Variants in KIF13A observed in about 807,000 individuals in gnomAD.
KIF13A encodes kinesin-like protein KIF13A.
Under a neutral mutation model 212.2 loss-of-function variants are expected in KIF13A, and 79 were observed. That is an observed-to-expected ratio of 0.37 (90% CI 0.31 to 0.45). The LOEUF is 0.45. KIF13A is among the 20% of genes least tolerant of loss of function. KIF13A has a pLI of 1.00. For missense variants in KIF13A, 1,901 were observed against 2,209.0 expected, an observed-to-expected ratio of 0.86 and a Z score of 2.79; for synonymous variants, 789 against 808.6, an observed-to-expected ratio of 0.98 and a Z score of 0.41.
At chr6:17,909,285 C>T (rs1773809589) in intron 2 of KIF13A, among the ~76,000 whole-genome samples, 1 of 152,206 alleles carries the variant, frequency 6.6e-6, no homozygotes, top group African/African-American at 2.4e-5. Flanking sequence ...CCTGTAATCC[C>T]AGCACCTTGG....
chr6:17,882,566 ATT>A (rs71536759), intron 3 of KIF13A, among the ~76,000 whole-genome samples: 21 of 144,196 alleles, frequency 1.5e-4, no homozygotes, highest in Admixed American at 1.4e-4. Flanking sequence ...TCCTTTATAA[ATT>A]TTTTTTTTTT....
At position 17,883,050 on chromosome 6, in the gene KIF13A, C is replaced by G. The variant is rs555765078; in HGVS notation, c.160-9613G>C. On this transcript the variant is annotated intron_variant, in intron 3 of 38. Coordinates refer to ENST00000259711, the MANE Select transcript of KIF13A (RefSeq NM_022113.6). This position sits in a 1 kb window ranked among gnomAD's most constrained non-coding sequence, Gnocchi z 4.8. ...TAATCTTTTCATTACCAAAAATACT[C>G]GGCGAATTTACATTTTAAAGCAACT... 2.0e-5 allele frequency among the ~76,000 whole-genome samples: 3 copies of G among 152,132 alleles called. No homozygotes were observed. The highest frequency in any genetic ancestry group is 2.0e-4 in the Admixed American group (3 of 15,268).
intron 16 of KIF13A, among the ~76,000 whole-genome samples, 200 bp from the exon 17 acceptor site, chr6:17,817,433 T>C (rs1581404688): frequency 6.6e-6 from 1 of 152,232 alleles, no homozygotes; most frequent in Non-Finnish European, 1.5e-5. Context: ...ATGCCCTTTA[T>C]AAGTATACAT....
Position 17,837,432 on chromosome 6 carries a change from C to G in KIF13A, c.942+40G>C. On this transcript the variant is annotated intron_variant, in intron 10 of 38. Coordinates refer to ENST00000259711, the MANE Select transcript of KIF13A (RefSeq NM_022113.6). The surrounding 1 kb of genome is among the most constrained non-coding windows in gnomAD (Gnocchi z 5.4). ...TTTACTCTGTCACATCTGGAATAGCCAATTTTTAGTTGGAAAAGAACACTA... is the reference window on the plus strand; with the variant it reads ...TTTACTCTGTCACATCTGGAATAGCGAATTTTTAGTTGGAAAAGAACACTA... 1 of 1,418,424 alleles carries G rather than the reference C, an allele frequency of 7.1e-7. No homozygotes were observed. Among genetic ancestry groups the G allele is most frequent in the Non-Finnish European group, 9.8e-7 (1 of 1,019,816 alleles). The allele number at this position is 1,418,424 out of a possible 1,614,324, so 87.9% of individuals were successfully genotyped here.
At chr6:17,936,766 CA>C (rs1561780692) in intron 2 of KIF13A, among the ~76,000 whole-genome samples, 1 of 151,488 alleles carries the variant, frequency 6.6e-6, no homozygotes, top group African/African-American at 2.4e-5. Context: ...TACAAACATT[CA>C]AAAAAATGTA....
chr6:17,911,655 G>A (rs935026298), intron 2 of KIF13A, among the ~76,000 whole-genome samples: 6 of 150,322 alleles, frequency 4.0e-5, no homozygotes, highest in Non-Finnish European at 7.4e-5. Context: ...AAGCTGGGAA[G>A]GGTTATGGGC....
rs1766065954 is a variant in KIF13A, at chr6:17,837,412, T to C, written c.942+60A>G. 1 of 1,134,630 alleles carries C rather than the reference T, an allele frequency of 8.8e-7. No individual in the cohort carries two copies. The highest frequency in any genetic ancestry group is 1.5e-5 in the African/African-American group (1 of 64,992). 70.3% of individuals were successfully genotyped at this position (1,134,630 alleles called of 1,614,324 possible). A position where few individuals can be genotyped will look rare whatever the true frequency, so the allele number is the denominator to read the frequency against. ...TGGTTAGCTTTGTACACACCTTTACTCTGTCACATCTGGAATAGCCAATTT... is the reference window on the plus strand; with the variant it reads ...TGGTTAGCTTTGTACACACCTTTACCCTGTCACATCTGGAATAGCCAATTT... On this transcript the variant is annotated intron_variant, in intron 10 of 38. Transcript: ENST00000259711. This position sits in a 1 kb window ranked among gnomAD's most constrained non-coding sequence, Gnocchi z 5.4.
chr6:17,877,982 C>T (rs1459374444), intron 3 of KIF13A, among the ~76,000 whole-genome samples: 3 of 152,162 alleles, frequency 2.0e-5, no homozygotes, highest in African/African-American at 2.4e-5. Flanking sequence ...GTGTGCTAAG[C>T]GCTAGAATTA....
In KIF13A at chr6:17,915,947, A is replaced by T. The variant is rs981976467; in HGVS notation, c.147-17767T>A. Reference sequence around the variant, plus strand: ...CAGAGAGCCAGTCTCAAAAAAAAAAATAAAAATAAAAATAAAATAAAATAA... The same window carrying T: ...CAGAGAGCCAGTCTCAAAAAAAAAATTAAAAATAAAAATAAAATAAAATAA... On this transcript the variant is annotated intron_variant, in intron 2 of 38. Coordinates refer to ENST00000259711, the MANE Select transcript of KIF13A (RefSeq NM_022113.6). The surrounding 1 kb of genome is among the most constrained non-coding windows in gnomAD (Gnocchi z 4.4). Among the ~76,000 whole-genome samples, 25 of 145,870 alleles carry T rather than the reference A, an allele frequency of 1.7e-4. No individual in the cohort carries two copies. The highest frequency in any genetic ancestry group is 6.7e-4 in the African/African-American group (25 of 37,134).
chr6:17,860,397 C>A (rs998952206), intron 4 of KIF13A, among the ~76,000 whole-genome samples: 1 of 152,102 alleles, frequency 6.6e-6, no homozygotes, highest in African/African-American at 2.4e-5. Flanking sequence ...CCATGTTGGC[C>A]AGGCTGGTCT....
Position 17,771,779 on chromosome 6 carries a change from G to T in KIF13A, c.4476+129C>A. On this transcript the variant is annotated intron_variant, in intron 37 of 38. Transcript: ENST00000259711. The surrounding 1 kb of genome is among the most constrained non-coding windows in gnomAD (Gnocchi z 5.4). ...GCATGCTTGAGAAAGAGGAATTCGA[G>T]AACGGGAACCATGGAGTGATGACCG... 2.6e-6 allele frequency: 2 copies of T among 781,456 alleles called. No individual in the cohort carries two copies. The highest frequency in any genetic ancestry group is 1.7e-5 in the African/African-American group (1 of 58,396). The allele number at this position is 781,456 out of a possible 1,614,324, so 48.4% of individuals were successfully genotyped here.
chr6:17,918,983 C>T lies in KIF13A; in HGVS notation c.147-20803G>A, dbSNP rs1205801540. Among the ~76,000 whole-genome samples the T allele has an allele frequency of 6.6e-6, 1 of 152,184 alleles. No homozygotes were observed. Among genetic ancestry groups the T allele is most frequent in the East Asian group, 1.9e-4 (1 of 5,202 alleles). The stretch of plus-strand genomic sequence containing the variant: ...TGTCTATCTTGTTCTCTGATACATT[C>T]CCAGTGCCTACAGGGTTGTCAGGCA... On this transcript the variant is annotated intron_variant, in intron 2 of 38. Coordinates refer to ENST00000259711, the MANE Select transcript of KIF13A (RefSeq NM_022113.6). This position sits in a 1 kb window ranked among gnomAD's most constrained non-coding sequence, Gnocchi z 4.8.
Position 17,912,201 on chromosome 6 carries a change from C to G in KIF13A, c.147-14021G>C, listed in dbSNP as rs545737087. On this transcript the variant is annotated intron_variant, in intron 2 of 38. Transcript: ENST00000259711. This position sits in a 1 kb window ranked among gnomAD's most constrained non-coding sequence, Gnocchi z 4.2. The stretch of plus-strand genomic sequence containing the variant: ...TACGCATTGCATGCCTACATCAAAA[C>G]ATCTCATGTACCCTATAAATATATA... Among the ~76,000 whole-genome samples the G allele has an allele frequency of 9.8e-5, 15 of 152,306 alleles. No individual in the cohort carries two copies. Among genetic ancestry groups the G allele is most frequent in the African/African-American group, 3.6e-4 (15 of 41,566 alleles).
At chr6:17,763,252 A>G (rs1758668167), downstream of KIF13A, among the ~76,000 whole-genome samples, 1 of 152,194 alleles carries the variant, frequency 6.6e-6, no homozygotes, top group South Asian at 2.1e-4. Flanking sequence ...TGGGAGGCCA[A>G]GGGGGATGGA....
At position 17,843,722 on chromosome 6, in the gene KIF13A, T is replaced by C. The variant is rs12192810; in HGVS notation, c.830+5655A>G. Among the ~76,000 whole-genome samples the C allele has an allele frequency of 0.5, 75,976 of 152,022 alleles. 19,311 individuals carry two copies. The highest frequency in any genetic ancestry group is 0.54 in the South Asian group (2,612 of 4,814). On this transcript the variant is annotated intron_variant, in intron 9 of 38. Coordinates refer to ENST00000259711, the MANE Select transcript of KIF13A (RefSeq NM_022113.6). The surrounding 1 kb of genome is among the most constrained non-coding windows in gnomAD (Gnocchi z 5.3). ...TGTCAGTGTAGCTGGTTTCTGTTGCTTAGAGCAGAATGCAATCCCTGGCTT... is the reference window on the plus strand; with the variant it reads ...TGTCAGTGTAGCTGGTTTCTGTTGCCTAGAGCAGAATGCAATCCCTGGCTT...
chr6:17,831,778 C>A (rs890457128), intron 12 of KIF13A, among the ~76,000 whole-genome samples: 3 of 149,402 alleles, frequency 2.0e-5, no homozygotes, highest in Non-Finnish European at 4.4e-5. Context: ...AGAGTTAAGG[C>A]TGGAAGAGAA....
intron 2 of KIF13A, among the ~76,000 whole-genome samples, chr6:17,955,067 C>T (rs148913940): frequency 4.6e-4 from 70 of 152,186 alleles, no homozygotes; most frequent in Non-Finnish European, 8.2e-4. Context: ...TGGGCTCAAG[C>T]GATCCTCCTG....
intron 3 of KIF13A, among the ~76,000 whole-genome samples, chr6:17,891,153 T>G (rs1772018262): frequency 6.6e-6 from 1 of 152,160 alleles, no homozygotes; most frequent in Non-Finnish European, 1.5e-5. Context: ...CTTTTCTGTT[T>G]AAAAGAAACA....
chr6:17,945,242 C>T (rs1344413038), intron 2 of KIF13A, among the ~76,000 whole-genome samples: 7 of 151,942 alleles, frequency 4.6e-5, no homozygotes, highest in Non-Finnish European at 8.8e-5. Context: ...TAACACTGAA[C>T]GAAAGAAGCT....
Sources: allele counts gnomAD v4.1 joint callset (sites outside exome capture counted in the v4.1 genomes callset), GRCh38; gene constraint gnomAD v4.1.1; non-coding constraint Gnocchi (gnomAD v3.1); transcripts MANE v1.5; gene names NCBI Gene and HGNC (gene_info 2026-07-23, HGNC 2026-07-21).